CIMIP4: variants seen among roughly 807,000 people sequenced by gnomAD.
CIMIP4 encodes the protein protein EAN57.
At chr22:36,998,882 G>A in the CIMIP4 span, among the ~76,000 whole-genome samples, 2 of 152,012 alleles carry the variant, frequency 1.3e-5, no homozygotes, top group Non-Finnish European at 2.9e-5. Flanking sequence ...GACTTGCCTC[G>A]GCCAAGCACC....
chr22:36,995,869 A>T, the CIMIP4 span, among the ~76,000 whole-genome samples: 4 of 152,198 alleles, frequency 2.6e-5, no homozygotes, highest in African/African-American at 9.7e-5. Flanking sequence ...TGTTTTTATC[A>T]GCAGTATGAA....
chr22:37,003,817 T>C, the CIMIP4 span: 1 of 640,332 alleles, frequency 1.6e-6, no homozygotes, highest in African/African-American at 1.9e-5. Context: ...TCCAACAGAA[T>C]GCCCCCCTAG....
chr22:36,996,352 C>T, the CIMIP4 span, among the ~76,000 whole-genome samples: 2 of 151,388 alleles, frequency 1.3e-5, no homozygotes, highest in Non-Finnish European at 2.9e-5. Flanking sequence ...GATTAATATA[C>T]AAAAACAAAA....
chr22:37,001,969 C>A, the CIMIP4 span: 1 of 1,614,020 alleles, frequency 6.2e-7, no homozygotes, highest in Non-Finnish European at 8.5e-7. Context: ...GACCGTCATC[C>A]GTCCCCTGGC....
chr22:37,000,024 A>G, the CIMIP4 span: 1 of 1,583,952 alleles, frequency 6.3e-7, no homozygotes, highest in Non-Finnish European at 8.6e-7. Flanking sequence ...GGGATGGAAA[A>G]GCAGTTTCAA....
At chr22:37,001,808 C>A in the CIMIP4 span, 1 of 1,505,926 alleles carries the variant, frequency 6.6e-7, no homozygotes, top group Non-Finnish European at 8.9e-7. Context: ...TAAGACTCTG[C>A]ATCACCCTCC....
At chr22:37,002,067 C>G in the CIMIP4 span, 1 of 1,606,448 alleles carries the variant, frequency 6.2e-7, no homozygotes, top group Non-Finnish European at 8.5e-7. Flanking sequence ...GACTGTGGGT[C>G]CATGCCCAGA....
At chr22:37,004,347 C>T in the CIMIP4 span, among the ~76,000 whole-genome samples, 1 of 151,624 alleles carries the variant, frequency 6.6e-6, no homozygotes, top group Non-Finnish European at 1.5e-5. Context: ...GCTCATTTTA[C>T]TCCTTCATAA....
the CIMIP4 span, among the ~76,000 whole-genome samples, chr22:37,006,837 G>A: frequency 1.3e-5 from 2 of 152,284 alleles, no homozygotes; most frequent in South Asian, 4.1e-4. Context: ...AATGAGGGAT[G>A]TTGCATCCAT....
At chr22:36,998,430 T>G in the CIMIP4 span, among the ~76,000 whole-genome samples, 1 of 150,450 alleles carries the variant, frequency 6.6e-6, no homozygotes, top group African/African-American at 2.5e-5. Context: ...GGGCCTGGAG[T>G]GAGGAGAGAG....
At chr22:36,999,599 A>C in the CIMIP4 span, among the ~76,000 whole-genome samples, 2 of 55,432 alleles carry the variant, frequency 3.6e-5, no homozygotes, top group African/African-American at 1.6e-4. Context: ...ATGGGAGGGG[A>C]GGGACCAGAG....
chr22:36,994,784 C>T, the CIMIP4 span, among the ~76,000 whole-genome samples: 1 of 152,032 alleles, frequency 6.6e-6, no homozygotes, highest in East Asian at 1.9e-4. Flanking sequence ...GCGCCCGCCA[C>T]CGCGCCCGGC....
the CIMIP4 span, chr22:37,002,058 A>G: frequency 1.9e-6 from 3 of 1,608,692 alleles, no homozygotes; most frequent in Admixed American, 1.7e-5. Flanking sequence ...AGGGACCTGG[A>G]CTGTGGGTCC....
At chr22:36,993,655 G>A in the CIMIP4 span, among the ~76,000 whole-genome samples, 1 of 152,020 alleles carries the variant, frequency 6.6e-6, no homozygotes, top group Non-Finnish European at 1.5e-5. Context: ...CGTGAACCCA[G>A]GAGGCGGAGC....
At chr22:37,000,263 CG>C in the CIMIP4 span, among the ~76,000 whole-genome samples, 1 of 152,132 alleles carries the variant, frequency 6.6e-6, no homozygotes. Context: ...AACATTGGGA[CG>C]GGGGGTCTCT....
chr22:37,003,912 T>G, the CIMIP4 span: 1 of 1,504,434 alleles, frequency 6.6e-7, no homozygotes, highest in Admixed American at 2.1e-5. Context: ...CCCCAGGGAG[T>G]CCCTCCAGAA....
chr22:37,000,381 C>T, the CIMIP4 span, among the ~76,000 whole-genome samples: 6 of 152,124 alleles, frequency 3.9e-5, no homozygotes, highest in African/African-American at 1.2e-4. Context: ...CCTGGCTTGC[C>T]TCCTACAACT....
chr22:37,002,420 G>A, the CIMIP4 span: 2,362 of 623,188 alleles, frequency 3.8e-3, 10 homozygotes, highest in Non-Finnish European at 4.8e-3. Flanking sequence ...GACAGACAAA[G>A]AGCCCCAGAG....
At chr22:37,003,293 C>T in the CIMIP4 span, among the ~76,000 whole-genome samples, 5,085 of 152,310 alleles carry the variant, frequency 0.033, 108 homozygotes, top group Non-Finnish European at 0.045. Flanking sequence ...TAACAAGCCC[C>T]TGGGCATTCA....
Sources: gnomAD v4.1 joint callset for allele counts (sites outside exome capture counted in the v4.1 genomes callset) on GRCh38, gnomAD v4.1.1 for gene constraint, MANE v1.5 for transcripts, NCBI Gene and HGNC (gene_info 2026-07-23, HGNC 2026-07-21) for gene names.